The following GOLGA8B variants were observed in gnomAD, a reference collection of about 807,000 sequenced individuals.
The protein encoded by GOLGA8B is golgin A8 family member B, also known as golgin subfamily A member 8B.
A neutral mutation model predicts 15.6 loss-of-function variants in GOLGA8B; 1 was observed. The observed-to-expected ratio is 0.06, with a 90% confidence interval of 0.02 to 0.30. The LOEUF is 0.30. GOLGA8B is among the 10% of genes least tolerant of loss of function. The pLI, the probability that GOLGA8B is intolerant of heterozygous loss-of-function variation, is 1.00. For missense variants in GOLGA8B, 17 were observed against 201.3 expected, an observed-to-expected ratio of 0.08 and a Z score of 5.54; for synonymous variants, 9 against 80.3, an observed-to-expected ratio of 0.11 and a Z score of 4.75.
chr15:34,572,426 AC>A (rs1290389807), intron 1 of GOLGA8B, among the ~76,000 whole-genome samples: 8 of 152,234 alleles, frequency 5.3e-5, no homozygotes, highest in African/African-American at 1.9e-4. Flanking sequence ...CAATAAGTAA[AC>A]AGTCACATAT....
chr15:34,572,468 C>G (rs1335498014), intron 1 of GOLGA8B, among the ~76,000 whole-genome samples: 2 of 152,224 alleles, frequency 1.3e-5, no homozygotes, highest in Non-Finnish European at 2.9e-5. Flanking sequence ...GCTGCTTGCG[C>G]AAAGGACAAG....
At chr15:34,583,152 G>A (rs1889293765) in intron 1 of GOLGA8B, among the ~76,000 whole-genome samples, 1 of 151,992 alleles carries the variant, frequency 6.6e-6, no homozygotes. Context: ...CAGCGGCCCG[G>A]CCAGCCCAGC....
chr15:34,574,319 T>TGA (rs1359835748), intron 1 of GOLGA8B, among the ~76,000 whole-genome samples: 2 of 132,996 alleles, frequency 1.5e-5, no homozygotes, highest in Non-Finnish European at 3.2e-5. Flanking sequence ...TTTTTTTTTT[T>TGA]GAGAGAGAGA....
chr15:34,563,988 C>A (rs989186201), intron 1 of GOLGA8B, among the ~76,000 whole-genome samples: 8 of 134,540 alleles, frequency 5.9e-5, no homozygotes, highest in African/African-American at 2.1e-4. Context: ...GGGAAGCTTA[C>A]ATGTTTTTCT....
intron 1 of GOLGA8B, among the ~76,000 whole-genome samples, chr15:34,571,377 G>A (rs560884687): frequency 3.3e-5 from 5 of 152,048 alleles, no homozygotes; most frequent in East Asian, 3.9e-4. Context: ...AAAGGTTGGC[G>A]GAAAATGAAA....
chr15:34,556,957 T>C lies in GOLGA8B; in HGVS notation c.-1122-3001A>G, dbSNP rs1444706215. The C allele has an allele frequency of 5.1e-5, 31 of 603,588 alleles. 3 individuals are homozygous for C. Among genetic ancestry groups the C allele is most frequent in the African/African-American group, 5.1e-4 (26 of 51,482 alleles). 37.4% of individuals were successfully genotyped at this position (603,588 alleles called of 1,614,324 possible). On this transcript the variant is annotated intron_variant, in intron 1 of 23. Coordinates refer to ENST00000683415, the MANE Select transcript of GOLGA8B (RefSeq NM_001023567.5). The stretch of plus-strand genomic sequence containing the variant: ...GTTCTAATGGTGGCTGAGCTCTTCA[T>C]TGGTCCAGTTGGGAGACATGTTGCG...
At chr15:34,579,535 G>A (rs959429927) in intron 1 of GOLGA8B, among the ~76,000 whole-genome samples, 14 of 152,198 alleles carry the variant, frequency 9.2e-5, no homozygotes, top group East Asian at 1.9e-4. Flanking sequence ...AGGAATCTCA[G>A]TGCACAATAA....
At chr15:34,578,980 G>C (rs1288640934) in intron 1 of GOLGA8B, among the ~76,000 whole-genome samples, 7 of 152,038 alleles carry the variant, frequency 4.6e-5, no homozygotes, top group Non-Finnish European at 1.0e-4. Context: ...AAACTCCCAG[G>C]ACAATAAGAG....
intron 1 of GOLGA8B, among the ~76,000 whole-genome samples, chr15:34,581,297 C>G (rs560823890): frequency 2.1e-4 from 32 of 152,304 alleles, no homozygotes; most frequent in African/African-American, 7.7e-4. Context: ...CCCACTCCAA[C>G]AGCCCTCACT....
chr15:34,543,396 G>A (rs1182630834), intron 7 of GOLGA8B, among the ~76,000 whole-genome samples: 1 of 143,722 alleles, frequency 7.0e-6, no homozygotes. Context: ...TTGGAGAAAC[G>A]AGTTCTCACC....
intron 1 of GOLGA8B, among the ~76,000 whole-genome samples, chr15:34,578,762 C>T (rs1889149288): frequency 6.6e-6 from 1 of 152,206 alleles, no homozygotes; most frequent in African/African-American, 2.4e-5. Flanking sequence ...GGAGTGTTTC[C>T]GTTTCCAGAC....
chr15:34,532,381 CAA>C (rs1473135471), intron 11 of GOLGA8B, among the ~76,000 whole-genome samples: 1 of 84,508 alleles, frequency 1.2e-5, no homozygotes, highest in African/African-American at 2.9e-5. Flanking sequence ...AAAGAACAGA[CAA>C]GAGCCCTTGG....
chr15:34,576,658 A>G (rs1474543695), intron 1 of GOLGA8B, among the ~76,000 whole-genome samples: 1 of 152,244 alleles, frequency 6.6e-6, no homozygotes, highest in Non-Finnish European at 1.5e-5. Flanking sequence ...ACCCAATGCC[A>G]TTCCCGAGAG....
chr15:34,526,536 C>G lies in GOLGA8B; in HGVS notation c.*1096G>C, dbSNP rs575447628. ...ACAGAGAGGAATGCCAGGTGTCACA[C>G]AGCTTTCCTTCACTCTAATTCATTC... On this transcript the variant is annotated 3_prime_UTR_variant, in exon 24 of 24. Coordinates refer to ENST00000683415, the MANE Select transcript of GOLGA8B (RefSeq NM_001023567.5). The G allele has an allele frequency of 4.7e-5, 7 of 148,880 alleles. 1 individual carries two copies. The Admixed American group carries it at 4.8e-4, about 10-fold the overall frequency. The allele number at this position is 148,880 out of a possible 1,614,324, so 9.2% of individuals were successfully genotyped here.
chr15:34,572,376 C>T (rs1888941382), intron 1 of GOLGA8B, among the ~76,000 whole-genome samples: 1 of 152,210 alleles, frequency 6.6e-6, no homozygotes, highest in Non-Finnish European at 1.5e-5. Context: ...CTCCACCTGT[C>T]AGCATTCTCC....
chr15:34,578,189 G>A (rs1228370649), intron 1 of GOLGA8B, among the ~76,000 whole-genome samples: 1 of 152,082 alleles, frequency 6.6e-6, no homozygotes, highest in African/African-American at 2.4e-5. Flanking sequence ...TTGATTCTAG[G>A]GACAAGAAGT....
At chr15:34,569,406 C>T (rs1367021108) in intron 1 of GOLGA8B, among the ~76,000 whole-genome samples, 1 of 152,020 alleles carries the variant, frequency 6.6e-6, no homozygotes, top group African/African-American at 2.4e-5. Context: ...GGATCACCTT[C>T]CTGGAAAGCT....
intron 1 of GOLGA8B, among the ~76,000 whole-genome samples, chr15:34,581,739 A>G (rs1214609898): frequency 1.3e-5 from 2 of 152,108 alleles, no homozygotes. Flanking sequence ...ACTCCTGCTC[A>G]CACACACTCA....
rs1300466085 is a variant in GOLGA8B at position 34,564,975 on chromosome 15, G to C, written c.-1122-11019C>G. On this transcript the variant is annotated intron_variant, in intron 1 of 23. Coordinates refer to ENST00000683415, the MANE Select transcript of GOLGA8B (RefSeq NM_001023567.5). Reference sequence around the variant, plus strand: ...CCTTGAGGGATGAATTAAGGGGCTGGAAAACTGGCAGCAGGACGGCCTGTG... The same window carrying C: ...CCTTGAGGGATGAATTAAGGGGCTGCAAAACTGGCAGCAGGACGGCCTGTG... Among the ~76,000 whole-genome samples, 7 of 143,774 alleles carry C rather than the reference G, an allele frequency of 4.9e-5. 2 individuals are homozygous for C. The highest frequency in any genetic ancestry group is 9.6e-5 in the Non-Finnish European group (6 of 62,606). The allele number at this position is 143,774 out of a possible 152,430, so 94.3% of individuals were successfully genotyped here. A position where few individuals can be genotyped will look rare whatever the true frequency, so the allele number is the denominator to read the frequency against.
Sources: allele counts gnomAD v4.1 joint callset (sites outside exome capture counted in the v4.1 genomes callset), GRCh38; gene constraint gnomAD v4.1.1; transcripts MANE v1.5; gene names NCBI Gene and HGNC (gene_info 2026-07-23, HGNC 2026-07-21).